The following CRACDL variants were observed in gnomAD, a reference collection of about 807,000 sequenced individuals.
The protein encoded by CRACDL is CRACD-like protein.
In CRACDL, 26 loss-of-function variants were observed where a neutral mutation model predicts 70.6. The observed-to-expected ratio is 0.37, with a 90% CI of 0.27 to 0.51. The LOEUF is 0.51. CRACDL is among the 20% of genes least tolerant of loss of function. The probability of loss-of-function intolerance (pLI) is 0.94; values close to 1 mark genes in which losing one functional copy is unlikely to be tolerated. For synonymous variants in CRACDL, 618 were observed against 615.2 expected, an observed-to-expected ratio of 1.00 and a Z score of -0.07; for missense variants, 1,283 against 1,376.9, an observed-to-expected ratio of 0.93 and a Z score of 1.08.
chr2:98,893,517 CTCGTGA>C (rs1398672661), intron 1 of CRACDL, among the ~76,000 whole-genome samples: 5 of 152,114 alleles, frequency 3.3e-5, no homozygotes, highest in African/African-American at 1.2e-4. Context: ...ATCTCCTGAC[CTCGTGA>C]TCTGCCCTCC....
chr2:98,877,485 C>T (rs905903668), intron 1 of CRACDL, among the ~76,000 whole-genome samples: 2 of 152,178 alleles, frequency 1.3e-5, no homozygotes, highest in African/African-American at 2.4e-5. Context: ...GTGGCTCATG[C>T]CTGTAATCCC....
chr2:98,920,274 A>G (rs1181542032), intron 1 of CRACDL, among the ~76,000 whole-genome samples: 1 of 152,130 alleles, frequency 6.6e-6, no homozygotes, highest in African/African-American at 2.4e-5. Context: ...TCCCATGAGT[A>G]TGGTTCCTGG....
intron 1 of CRACDL, among the ~76,000 whole-genome samples, chr2:98,858,374 G>A (rs1308752772): frequency 6.6e-6 from 1 of 151,926 alleles, no homozygotes; most frequent in African/African-American, 2.4e-5. Context: ...AATTAGCTGG[G>A]TGTGGTGGCC....
intron 1 of CRACDL, among the ~76,000 whole-genome samples, chr2:98,857,033 T>A (rs1558604699): frequency 1.3e-5 from 2 of 152,166 alleles, no homozygotes; most frequent in African/African-American, 4.8e-5. Flanking sequence ...TCCAATATGA[T>A]CCCATGCATG....
chr2:98,840,768 A>G (rs896313721), intron 2 of CRACDL: 20 of 152,216 alleles, frequency 1.3e-4, no homozygotes, highest in African/African-American at 4.3e-4. Context: ...ATAGAAATGT[A>G]AAATTATTAT....
chr2:98,918,530 G>A (rs896187573), intron 1 of CRACDL, among the ~76,000 whole-genome samples: 4 of 83,822 alleles, frequency 4.8e-5, no homozygotes, highest in Non-Finnish European at 8.3e-5. Flanking sequence ...AGAGCAAGAT[G>A]TTGTCTACCA....
At chr2:98,826,006 C>T (rs1490451798) in intron 6 of CRACDL, among the ~76,000 whole-genome samples, 2 of 152,162 alleles carry the variant, frequency 1.3e-5, no homozygotes, top group South Asian at 2.1e-4. Context: ...GGACATTAGC[C>T]TGTGAGCATC....
chr2:98,849,241 G>A lies in CRACDL; in HGVS notation c.-10-2431C>T, dbSNP rs184800018. Among the ~76,000 whole-genome samples the A allele has an allele frequency of 4.6e-3, 704 of 152,338 alleles. 6 individuals are homozygous for A. Among genetic ancestry groups the A allele is most frequent in the Middle Eastern group, 0.017 (5 of 294 alleles). ...GCACTGGGTCTGATGGGGTTTCTTC[G>A]TCTGGGGAAAGGAACCGGAGGCCAC... On this transcript the variant is annotated intron_variant, in intron 1 of 9. Transcript: ENST00000397899.
chr2:98,871,111 G>A (rs1344004147), intron 1 of CRACDL, among the ~76,000 whole-genome samples: 2 of 152,234 alleles, frequency 1.3e-5, no homozygotes, highest in Non-Finnish European at 2.9e-5. Flanking sequence ...TTCAGGAGCA[G>A]AAAATTTCAG....
chr2:98,903,328 G>A (rs938053407), intron 1 of CRACDL, among the ~76,000 whole-genome samples: 3 of 152,086 alleles, frequency 2.0e-5, no homozygotes, highest in East Asian at 1.9e-4. Context: ...CCCTGGGGGC[G>A]CATGGACCAT....
At chr2:98,804,092 C>T (rs932979183) in intron 7 of CRACDL, among the ~76,000 whole-genome samples, 1 of 152,198 alleles carries the variant, frequency 6.6e-6, no homozygotes, top group African/African-American at 2.4e-5. Flanking sequence ...CGTCTACAGT[C>T]GCTCGTCATC....
intron 7 of CRACDL, among the ~76,000 whole-genome samples, chr2:98,810,524 G>A (rs138851788): frequency 6.6e-6 from 1 of 152,224 alleles, no homozygotes; most frequent in East Asian, 1.9e-4. Context: ...TGGGGACGTG[G>A]GAGGATAAAG....
intron 1 of CRACDL, among the ~76,000 whole-genome samples, chr2:98,901,602 G>C (rs1708283390): frequency 1.3e-5 from 2 of 152,208 alleles, no homozygotes; most frequent in South Asian, 4.1e-4. Context: ...AATCACATCA[G>C]ACCACAGGGC....
chr2:98,823,381 G>T lies in CRACDL; in HGVS notation c.892C>A (p.Pro298Thr), dbSNP rs1046596559. The change falls in exon 7 of 10, where the codon CCC becomes ACC. Residue 298 changes from proline (P) to threonine (T), a missense_variant. Pro to Thr is a conservative substitution (Grantham distance 38). Around this residue, in one of 2 missense-constraint regions of CRACDL, gnomAD observed 362 missense variants for 495.0 expected, o/e 0.73. Transcript: ENST00000397899. This position sits in a 1 kb window ranked among gnomAD's most constrained non-coding sequence, Gnocchi z 4.0. ...CGGGCCCCTCCGGGTGGCGGCAAGG[G>T]CGCCGGTGGCCCAGGCTCAGGGCCT... is the stretch of plus-strand genomic sequence containing the variant. ...DRGPEPGPPA[P>T]LPPPGGARAR... The T allele has an allele frequency of 7.2e-6, 11 of 1,537,778 alleles. No individual in the cohort carries two copies. In the African/African-American group the frequency reaches 1.5e-4, roughly 21 times the overall value.
intron 1 of CRACDL, among the ~76,000 whole-genome samples, chr2:98,866,645 G>A (rs909206782): frequency 1.3e-5 from 2 of 150,864 alleles, no homozygotes; most frequent in African/African-American, 2.4e-5. Flanking sequence ...GCACCACCAC[G>A]CAGGCTAATT....
At chr2:98,864,135 T>C (rs1460794649) in intron 1 of CRACDL, among the ~76,000 whole-genome samples, 1 of 152,092 alleles carries the variant, frequency 6.6e-6, no homozygotes, top group African/African-American at 2.4e-5. Flanking sequence ...ATTTATATAA[T>C]AATCAAAAAG....
chr2:98,872,744 C>T (rs1014668094), intron 1 of CRACDL, among the ~76,000 whole-genome samples: 6 of 152,198 alleles, frequency 3.9e-5, no homozygotes, highest in Non-Finnish European at 7.3e-5. Flanking sequence ...CGATGCTGCC[C>T]GTGGACCTTC....
At chr2:98,808,404 T>C (rs1050728748) in intron 7 of CRACDL, among the ~76,000 whole-genome samples, 2 of 152,168 alleles carry the variant, frequency 1.3e-5, no homozygotes, top group Non-Finnish European at 2.9e-5. Flanking sequence ...TGCAGCCAGC[T>C]TTGCCAACCA....
intron 1 of CRACDL, among the ~76,000 whole-genome samples, chr2:98,878,651 C>G (rs1047310117): frequency 1.3e-5 from 2 of 152,138 alleles, no homozygotes; most frequent in African/African-American, 2.4e-5. Flanking sequence ...TTTTAGTTAA[C>G]CAACATATGA....
Sources: allele counts gnomAD v4.1 joint callset (sites outside exome capture counted in the v4.1 genomes callset), GRCh38; gene constraint gnomAD v4.1.1; regional missense constraint gnomAD v4.1.1; non-coding constraint Gnocchi (gnomAD v3.1); transcripts MANE v1.5; gene names NCBI Gene and HGNC (gene_info 2026-07-23, HGNC 2026-07-21).